ATP11A: variants seen among roughly 807,000 people sequenced by gnomAD.
The protein encoded by ATP11A is ATPase phospholipid transporting 11A.
Under a neutral mutation model 154.4 loss-of-function variants are expected in ATP11A, and 81 were observed. The ratio of observed to expected loss-of-function variants is 0.52; its 90% confidence interval spans 0.44 to 0.63. The LOEUF (loss-of-function observed/expected upper bound fraction) is 0.63. Ranked by LOEUF, ATP11A falls within the 30% of genes least tolerant of loss-of-function variation. The pLI is 0.00. For synonymous variants in ATP11A, 623 were observed against 585.9 expected (o/e 1.06, Z -0.91); for missense variants, 1,316 against 1,474.3 (o/e 0.89, Z 1.76).
intron 2 of ATP11A, among the ~76,000 whole-genome samples, chr13:112,799,344 G>A (rs1427897032): frequency 6.6e-6 from 1 of 152,206 alleles, no homozygotes; most frequent in Non-Finnish European, 1.5e-5. Flanking sequence ...AATAGGCTTT[G>A]TGTGAGCAAC....
At chr13:112,849,281 ATTG>A (rs1405229085) in intron 17 of ATP11A, among the ~76,000 whole-genome samples, 7 of 152,114 alleles carry the variant, frequency 4.6e-5, no homozygotes, top group Admixed American at 1.3e-4. Flanking sequence ...TCTAAGGGAT[ATTG>A]TTCTACAGTT....
chr13:112,693,476 G>T (rs1212927999), intron 1 of ATP11A, among the ~76,000 whole-genome samples: 1 of 151,438 alleles, frequency 6.6e-6, no homozygotes, highest in East Asian at 1.9e-4. Context: ...GGGGAGAGGG[G>T]ACGGGGTGGA....
At chr13:112,700,911 G>A (rs779249733) in intron 1 of ATP11A, among the ~76,000 whole-genome samples, 1 of 152,200 alleles carries the variant, frequency 6.6e-6, no homozygotes, top group Non-Finnish European at 1.5e-5. Context: ...CTCCACGTGC[G>A]TGGGCTTGGA....
At chr13:112,820,359 C>T (rs1007756356) in intron 8 of ATP11A, among the ~76,000 whole-genome samples, 5 of 152,206 alleles carry the variant, frequency 3.3e-5, no homozygotes, top group African/African-American at 1.2e-4. Context: ...GGAATCTGTT[C>T]ATCCACTCAC....
intron 25 of ATP11A, among the ~76,000 whole-genome samples, chr13:112,869,407 G>T (rs2080440519): frequency 6.6e-6 from 1 of 152,218 alleles, no homozygotes; most frequent in South Asian, 2.1e-4. Flanking sequence ...AACCCAGGGA[G>T]CCCCAGCTGG....
chr13:112,831,533 C>G lies in ATP11A; in HGVS notation c.1380C>G (p.Pro460=). 2 of 1,614,124 alleles carry G rather than the reference C, an allele frequency of 1.2e-6. No individual in the cohort carries two copies. The highest frequency in any genetic ancestry group is 1.7e-6 in the Non-Finnish European group (2 of 1,179,966). ...SSGIDMIDSS[P]SVNGREREEL... is the part of the protein sequence containing the mutation. ...GAATCGACATGATTGACTCGTCCCC[C>G]AGCGTCAACGGGAGGGTAGGTGGCA... The change falls in exon 13 of 30, where the codon CCC becomes CCG. Residue 460 remains proline, a synonymous_variant. Coordinates refer to ENST00000375645, the MANE Select transcript of ATP11A (RefSeq NM_015205.3).
intron 6 of ATP11A, among the ~76,000 whole-genome samples, chr13:112,819,005 T>TC (rs1289112744): frequency 6.6e-6 from 1 of 152,254 alleles, no homozygotes; most frequent in African/African-American, 2.4e-5. Flanking sequence ...TGGATTTGTT[T>TC]CCTAATTAAT....
chr13:112,878,114 T>C (rs1176200151), intron 28 of ATP11A, 103 bp from the exon 29 acceptor site: 1 of 1,091,814 alleles, frequency 9.2e-7, no homozygotes, highest in African/African-American at 1.5e-5. Context: ...GTCTCTTGTT[T>C]CTCTTTCCTT....
chr13:112,779,905 A>G (rs2140001224), intron 1 of ATP11A, among the ~76,000 whole-genome samples: 1 of 152,140 alleles, frequency 6.6e-6, no homozygotes, highest in South Asian at 2.1e-4. Flanking sequence ...ACTCTGTCTC[A>G]TTAAAAAGAA....
At chr13:112,705,268 C>T (rs1009856199) in intron 1 of ATP11A, among the ~76,000 whole-genome samples, 6 of 152,154 alleles carry the variant, frequency 3.9e-5, no homozygotes, top group Non-Finnish European at 7.3e-5. Context: ...TACCATTTCT[C>T]GGATGTAATG....
At chr13:112,756,310 G>C (rs1422144361) in intron 1 of ATP11A, among the ~76,000 whole-genome samples, 4 of 152,206 alleles carry the variant, frequency 2.6e-5, no homozygotes, top group Non-Finnish European at 5.9e-5. Flanking sequence ...GTCCATCGTT[G>C]CGGTGCCTTC....
At position 112,714,590 on chromosome 13, in the gene ATP11A, T is replaced by C. The variant is rs533610341; in HGVS notation, c.39+24135T>C. Among the ~76,000 whole-genome samples, 127 of 152,300 alleles carry C rather than the reference T, an allele frequency of 8.3e-4. 1 individual carries two copies. Among genetic ancestry groups the C allele is most frequent in the Admixed American group, 1.8e-3 (27 of 15,304 alleles). Reference sequence around the variant, plus strand: ...CTGGCTCCAGCCCCCTCTGCTGCCTTCTTTGTGTGTCTGTGATGGAATACG... The same window carrying C: ...CTGGCTCCAGCCCCCTCTGCTGCCTCCTTTGTGTGTCTGTGATGGAATACG... On this transcript the variant is annotated intron_variant, in intron 1 of 29. Coordinates refer to ENST00000375645, the MANE Select transcript of ATP11A (RefSeq NM_015205.3).
intron 29 of ATP11A, chr13:112,880,623 G>T: frequency 7.7e-7 from 1 of 1,297,416 alleles, no homozygotes. Context: ...TCCTACGGCG[G>T]CCAAGGCGCA....
At chr13:112,868,893 C>T (rs73571044) in intron 25 of ATP11A, among the ~76,000 whole-genome samples, 1,603 of 152,070 alleles carry the variant, frequency 0.011, 28 homozygotes, top group African/African-American at 0.036. Context: ...GAAGCAAGGC[C>T]CTTCTTTACA....
At chr13:112,794,077 A>T (rs973234192) in intron 2 of ATP11A, among the ~76,000 whole-genome samples, 9 of 152,196 alleles carry the variant, frequency 5.9e-5, no homozygotes, top group African/African-American at 2.2e-4. Context: ...TCAGCAAAAC[A>T]CATGGTGTCT....
At chr13:112,693,532 G>A (rs1885439594) in intron 1 of ATP11A, among the ~76,000 whole-genome samples, 1 of 151,432 alleles carries the variant, frequency 6.6e-6, no homozygotes, top group South Asian at 2.1e-4. Context: ...GGAGCCATGG[G>A]GTAGCGTGTG....
At chr13:112,867,925 T>C (rs2080390979) in intron 25 of ATP11A, among the ~76,000 whole-genome samples, 1 of 152,242 alleles carries the variant, frequency 6.6e-6, no homozygotes, top group Non-Finnish European at 1.5e-5. Flanking sequence ...TTGATTGTTC[T>C]TGGGTGAGAG....
At chr13:112,872,685 G>A (rs114995507) in intron 26 of ATP11A, among the ~76,000 whole-genome samples, 7 of 152,358 alleles carry the variant, frequency 4.6e-5, no homozygotes, top group Non-Finnish European at 7.3e-5. Flanking sequence ...CTTCGGTGAC[G>A]ATATAAACAA....
Position 112,859,301 on chromosome 13 carries a change from C to T in ATP11A, c.2668-92C>T. The T allele has an allele frequency of 2.0e-6, 2 of 975,944 alleles. No individual in the cohort carries two copies. The highest frequency in any genetic ancestry group is 2.4e-5 in the East Asian group (1 of 41,908). 60.5% of individuals were successfully genotyped at this position (975,944 alleles called of 1,614,324 possible). A position where few individuals can be genotyped will look rare whatever the true frequency, so the allele number is the denominator to read the frequency against. ...TGCCGCACGCTGGGTGCACGTGGAT[C>T]CCTCCTCCCATGTGGGGTGGGCCAC... On this transcript the variant is annotated intron_variant, in intron 22 of 29. Transcript: ENST00000375645. This position sits in a 1 kb window ranked among gnomAD's most constrained non-coding sequence, Gnocchi z 4.3.
Sources: gnomAD v4.1 joint callset for allele counts (sites outside exome capture counted in the v4.1 genomes callset) on GRCh38, gnomAD v4.1.1 for gene constraint, Gnocchi (gnomAD v3.1) non-coding constraint, MANE v1.5 for transcripts, NCBI Gene and HGNC (gene_info 2026-07-23, HGNC 2026-07-21) for gene names.